The following DBI variants were observed in gnomAD, a reference collection of about 807,000 sequenced individuals.
DBI encodes the protein diazepam binding inhibitor, acyl-CoA binding protein, also known as acyl-CoA-binding protein.
A neutral mutation model predicts 13.0 loss-of-function variants in DBI; 12 were observed. That is an observed-to-expected ratio of 0.92 (90% CI 0.59 to 1.49). The LOEUF is 1.49. Among genes scored for constraint, DBI ranks in the 40% most tolerant of loss-of-function variants. DBI has a pLI of 0.00. For synonymous variants in DBI, 37 were observed against 37.4 expected (o/e 0.99, Z 0.04); for missense variants, 95 against 104.8 (o/e 0.91, Z 0.41).
intron 2 of DBI, among the ~76,000 whole-genome samples, chr2:119,369,578 G>A (rs765414898): frequency 9.9e-5 from 15 of 152,184 alleles, no homozygotes; most frequent in Admixed American, 2.0e-4. Context: ...ATGAGGTCAG[G>A]AGTTTGAGAC....
intron 3 of DBI, among the ~76,000 whole-genome samples, 194 bp from the exon 4 acceptor site, chr2:119,372,051 G>A (rs1681554437): frequency 6.6e-6 from 1 of 152,224 alleles, no homozygotes; most frequent in Non-Finnish European, 1.5e-5. Flanking sequence ...GGCTTTCTGA[G>A]CACAGTTGCT....
chr2:119,369,399 G>T (rs556015925), intron 2 of DBI, among the ~76,000 whole-genome samples: 3 of 152,084 alleles, frequency 2.0e-5, no homozygotes, highest in Non-Finnish European at 4.4e-5. Context: ...CTCTCTCTAG[G>T]GCTGTACTAT....
In DBI at chr2:119,372,246, G is replaced by C; in HGVS notation, c.192G>C (p.Gly64=). 6.2e-7 allele frequency: 1 copy of C among 1,612,668 alleles called. No homozygotes were observed. The highest frequency in any genetic ancestry group is 2.2e-5 in the East Asian group (1 of 44,874). ...CATAATCCTGTCGATTCCTTACAGG[G>C]ACTTCCAAGGAAGATGCCATGAAAG... ...AKWDAWNELK[G]TSKEDAMKAY... The change falls in exon 4 of 4, where the codon GGG becomes GGC. Residue 64 remains glycine, a splice_region_variant and synonymous_variant. Coordinates refer to ENST00000355857, the MANE Select transcript of DBI (RefSeq NM_001079862.4).
intron 1 of DBI, chr2:119,367,284 A>G: frequency 7.0e-7 from 1 of 1,437,184 alleles, no homozygotes; most frequent in South Asian, 1.5e-5. Context: ...AAAGTTGCCC[A>G]TGGGGTGGAC....
chr2:119,372,518 A>G lies in DBI; in HGVS notation c.*200A>G, dbSNP rs2104703135. The G allele has an allele frequency of 2.0e-6, 1 of 489,248 alleles. No individual in the cohort carries two copies. The highest frequency in any genetic ancestry group is 3.5e-5 in the East Asian group (1 of 28,428). The allele number at this position is 489,248 out of a possible 1,614,324, so 30.3% of individuals were successfully genotyped here. Reference sequence around the variant, plus strand: ...CTTGAGTAGTTTTTATCTGAAATCAATTAAAAGTGTATTTGTTACTTTAAA... The same window carrying G: ...CTTGAGTAGTTTTTATCTGAAATCAGTTAAAAGTGTATTTGTTACTTTAAA... On this transcript the variant is annotated 3_prime_UTR_variant, in exon 4 of 4. Transcript: ENST00000355857.
chr2:119,368,329 G>T, intron 2 of DBI, 24 bp downstream of exon 2: 2 of 1,568,074 alleles, frequency 1.3e-6, no homozygotes, highest in Non-Finnish European at 1.8e-6. Flanking sequence ...GGGTTGGAAG[G>T]GCATCTGCTC....
rs1681586726 is a variant in DBI at position 119,372,392 on chromosome 2, G to A, written c.*74G>A. On this transcript the variant is annotated 3_prime_UTR_variant, in exon 4 of 4. Transcript: ENST00000355857. ...ATGCCTTGTTTTTTTCTAATACCGT[G>A]GATGGTGGGAATTCGGGAAAATAAC... 2 of 1,178,048 alleles carry A rather than the reference G, an allele frequency of 1.7e-6. No individual in the cohort carries two copies. Among genetic ancestry groups the A allele is most frequent in the East Asian group, 2.4e-5 (1 of 42,250 alleles). The allele number at this position is 1,178,048 out of a possible 1,614,324, so 73.0% of individuals were successfully genotyped here.
At chr2:119,368,088 T>C in intron 1 of DBI, 100 bp from the exon 2 acceptor site, 1 of 1,483,028 alleles carries the variant, frequency 6.7e-7, no homozygotes, top group Non-Finnish European at 9.4e-7. Flanking sequence ...CTTTCCCACC[T>C]CTCCATCCCC....
intron 2 of DBI, 29 bp downstream of exon 2, chr2:119,368,334 C>A (rs2276596): frequency 0.19 from 297,598 of 1,544,756 alleles, 29,815 homozygotes; most frequent in East Asian, 0.24. Context: ...GGAAGGGCAT[C>A]TGCTCATCAA....
rs188903821 is a variant in DBI at position 119,369,306 on chromosome 2, G to A, written c.127+1001G>A. 2.7e-3 allele frequency among the ~76,000 whole-genome samples: 417 copies of A among 152,252 alleles called. 3 individuals are homozygous for A. The highest frequency in any genetic ancestry group is 6.2e-3 in the African/African-American group (259 of 41,542). On this transcript the variant is annotated intron_variant, in intron 2 of 3. Coordinates refer to ENST00000355857, the MANE Select transcript of DBI (RefSeq NM_001079862.4). The stretch of plus-strand genomic sequence containing the variant: ...TTTTCACAGAGACTGGCCTGTGCCC[G>A]TACTAGAGTTACCGATTTTCACATG...
intron 3 of DBI, among the ~76,000 whole-genome samples, 161 bp from the exon 4 acceptor site, chr2:119,372,084 A>G (rs1175897546): frequency 6.6e-6 from 1 of 152,230 alleles, no homozygotes; most frequent in Non-Finnish European, 1.5e-5. Flanking sequence ...ACTTCGGGCC[A>G]GGTTCTGTGG....
Position 119,372,451 on chromosome 2 carries a change from AC to A in DBI, c.*134del, listed in dbSNP as rs1681593846. 3 of 642,488 alleles carry A rather than the reference AC, an allele frequency of 4.7e-6. No individual in the cohort carries two copies. Among genetic ancestry groups the A allele is most frequent in the Non-Finnish European group, 8.3e-6 (3 of 360,308 alleles). 39.8% of individuals were successfully genotyped at this position (642,488 alleles called of 1,614,324 possible). A position where few individuals can be genotyped will look rare whatever the true frequency, so the allele number is the denominator to read the frequency against. On this transcript the variant is annotated 3_prime_UTR_variant, in exon 4 of 4. Transcript: ENST00000355857. ...CCAGCTACTCAAGGCTGCTCACCATACGGCTCTAACAGATTAGGGGCTAAAA... is the reference window on the plus strand; with the variant it reads ...CCAGCTACTCAAGGCTGCTCACCATAGGCTCTAACAGATTAGGGGCTAAAA...
chr2:119,368,076 A>G, intron 1 of DBI, 112 bp from the exon 2 acceptor site: 2 of 1,480,980 alleles, frequency 1.4e-6, no homozygotes, highest in Non-Finnish European at 1.9e-6. Context: ...GAAGGGTGCC[A>G]CCTTTCCCAC....
Position 119,368,038 on chromosome 2 carries a change from C to A in DBI, c.10-150C>A. On this transcript the variant is annotated intron_variant, in intron 1 of 3. Coordinates refer to ENST00000355857, the MANE Select transcript of DBI (RefSeq NM_001079862.4). ...GCTGCCCTGTTGGGGCAGGGAGGGG[C>A]AGACACACTTCAGGGGCTGCATTGC... 3 of 1,554,036 alleles carry A rather than the reference C, an allele frequency of 1.9e-6. No individual in the cohort carries two copies. The South Asian group carries it at 3.3e-5, about 17-fold the overall frequency.
chr2:119,367,923 C>G (rs781031378), intron 1 of DBI: 1 of 1,614,228 alleles, frequency 6.2e-7, no homozygotes, highest in Admixed American at 1.7e-5. Context: ...AGACCTGATG[C>G]CTGCGTTTGT....
intron 2 of DBI, among the ~76,000 whole-genome samples, chr2:119,369,944 C>T (rs1424019610): frequency 6.6e-6 from 1 of 152,196 alleles, no homozygotes; most frequent in Non-Finnish European, 1.5e-5. Flanking sequence ...ATTTCCATTT[C>T]CACCGCTTGG....
chr2:119,367,136 A>T (rs1681064713), intron 1 of DBI, 76 bp downstream of exon 1: 2 of 1,598,486 alleles, frequency 1.3e-6, no homozygotes, highest in African/African-American at 2.7e-5. Flanking sequence ...GGCTGCCAGA[A>T]GCTCTCGGGC....
intron 1 of DBI, chr2:119,367,790 C>A: frequency 1.2e-6 from 2 of 1,610,800 alleles, no homozygotes; most frequent in Non-Finnish European, 1.7e-6. Flanking sequence ...TTCGCTGCAG[C>A]CCCGGCCACT....
intron 2 of DBI, chr2:119,370,367 AG>A (rs1447098556): frequency 6.3e-6 from 1 of 158,734 alleles, no homozygotes; most frequent in Non-Finnish European, 1.4e-5. Flanking sequence ...AGCTAACAGC[AG>A]GGGTGAGAGA....
Sources: allele counts gnomAD v4.1 joint callset (sites outside exome capture counted in the v4.1 genomes callset), GRCh38; gene constraint gnomAD v4.1.1; transcripts MANE v1.5; gene names NCBI Gene and HGNC (gene_info 2026-07-23, HGNC 2026-07-21).